The following SLC7A5 variants were observed in gnomAD, a reference collection of about 807,000 sequenced individuals.
The protein encoded by SLC7A5 is large neutral amino acids transporter small subunit 1.
Under a neutral mutation model 50.2 loss-of-function variants are expected in SLC7A5, and 23 were observed. That is an observed-to-expected ratio of 0.46 (90% CI 0.33 to 0.65). The LOEUF (loss-of-function observed/expected upper bound fraction) is 0.65, where lower values mean the gene tolerates loss of function less well. Ranked by LOEUF, SLC7A5 falls within the 30% of genes least tolerant of loss-of-function variation. The pLI is 0.02. For synonymous variants in SLC7A5, 393 were observed against 330.6 expected, an observed-to-expected ratio of 1.19 and a Z score of -2.05; for missense variants, 578 against 684.4, an observed-to-expected ratio of 0.84 and a Z score of 1.73.
At chr16:87,840,005 G>A (rs945463838) in intron 4 of SLC7A5, among the ~76,000 whole-genome samples, 180 bp from the exon 5 acceptor site, 10 of 152,328 alleles carry the variant, frequency 6.6e-5, no homozygotes, top group South Asian at 6.2e-4. Flanking sequence ...TGCCTGGAGC[G>A]GGACACTGCA....
At chr16:87,865,329 T>A (rs531626673) in intron 1 of SLC7A5, among the ~76,000 whole-genome samples, 1 of 152,200 alleles carries the variant, frequency 6.6e-6, no homozygotes, top group Non-Finnish European at 1.5e-5. Context: ...CCTATTAACA[T>A]TAACCCTCAC....
rs910285785 is a variant in SLC7A5 at position 87,869,452 on chromosome 16, C to G, written c.-30G>C. 6.7e-6 allele frequency: 9 copies of G among 1,351,230 alleles called. No individual in the cohort carries two copies. In the African/African-American group the frequency reaches 1.4e-4, roughly 21 times the overall value. 83.7% of individuals were successfully genotyped at this position (1,351,230 alleles called of 1,614,324 possible). ...TGCGCACCGGCCGGGCCTGGGACAC[C>G]CGGGAGCCGCGGCCCAGCGAGCAGT... On this transcript the variant is annotated 5_prime_UTR_variant, in exon 1 of 10. Coordinates refer to ENST00000261622, the MANE Select transcript of SLC7A5 (RefSeq NM_003486.7).
intron 7 of SLC7A5, chr16:87,837,399 G>A: frequency 4.9e-6 from 1 of 202,934 alleles, no homozygotes; most frequent in Non-Finnish European, 1.0e-5. Context: ...GATAATAAGT[G>A]CTTTTCCTTT....
intron 6 of SLC7A5, 25 bp from the exon 7 acceptor site, chr16:87,837,966 G>A: frequency 6.5e-7 from 1 of 1,547,162 alleles, no homozygotes; most frequent in East Asian, 2.3e-5. Flanking sequence ...GAGTGGCAGA[G>A]TCAGCCACCG....
Position 87,853,061 on chromosome 16 carries a change from A to C in SLC7A5, c.539-1212T>G, listed in dbSNP as rs1304732474. Among the ~76,000 whole-genome samples the C allele has an allele frequency of 6.6e-6, 1 of 152,136 alleles. No homozygotes were observed. Among genetic ancestry groups the C allele is most frequent in the Non-Finnish European group, 1.5e-5 (1 of 68,004 alleles). On this transcript the variant is annotated intron_variant, in intron 1 of 9. Coordinates refer to ENST00000261622, the MANE Select transcript of SLC7A5 (RefSeq NM_003486.7). This position sits in a 1 kb window ranked among gnomAD's most constrained non-coding sequence, Gnocchi z 4.4. Reference sequence around the variant, plus strand: ...ACAGCCCTCCCGGCACCGCACCACTAAGACTGCAGGAAGGTGAGAGCATCA... The same window carrying C: ...ACAGCCCTCCCGGCACCGCACCACTCAGACTGCAGGAAGGTGAGAGCATCA...
rs1265508410 is a variant in SLC7A5 at position 87,862,865 on chromosome 16, C to A, written c.538+6020G>T. Among the ~76,000 whole-genome samples the A allele has an allele frequency of 6.6e-6, 1 of 152,218 alleles. No individual in the cohort carries two copies. Among genetic ancestry groups the A allele is most frequent in the Non-Finnish European group, 1.5e-5 (1 of 68,044 alleles). On this transcript the variant is annotated intron_variant, in intron 1 of 9. Transcript: ENST00000261622. The surrounding 1 kb of genome is among the most constrained non-coding windows in gnomAD (Gnocchi z 5.3). ...TCACAGGTTCCTAAACGCATACCCG[C>A]CCACACCAATCTGCTGAGGAGTGAC... is the stretch of plus-strand genomic sequence containing the variant.
rs377031973 is a variant in SLC7A5, at chr16:87,836,555, G to A, written c.1233C>T (p.Ala411=). ...SFFNWLCVAL[A]IIGMIWLRHR... is the part of the protein sequence containing the mutation. ...GGCGCAGCCAGATCATGCCGATGAT[G>A]GCCAGGGCCACGCAGAGCCAGTTGA... The change falls in exon 8 of 10, where the codon GCC becomes GCT. Residue 411 remains alanine, a synonymous_variant. Transcript: ENST00000261622. The A allele has an allele frequency of 5.0e-6, 8 of 1,613,482 alleles. No individual in the cohort carries two copies. Among genetic ancestry groups the A allele is most frequent in the Admixed American group, 1.7e-5 (1 of 60,012 alleles).
chr16:87,856,624 C>A (rs2055324748), intron 1 of SLC7A5, among the ~76,000 whole-genome samples: 1 of 152,224 alleles, frequency 6.6e-6, no homozygotes, highest in African/African-American at 2.4e-5. Flanking sequence ...CTGGCTGGGG[C>A]TCCTGAGACA....
intron 1 of SLC7A5, among the ~76,000 whole-genome samples, chr16:87,858,496 A>C (rs1229300360): frequency 3.3e-5 from 5 of 152,196 alleles, no homozygotes; most frequent in African/African-American, 1.2e-4. Context: ...AACCCGCTCC[A>C]GTCACGGTAT....
intron 1 of SLC7A5, among the ~76,000 whole-genome samples, chr16:87,856,555 C>G (rs936805567): frequency 2.6e-5 from 4 of 152,212 alleles, no homozygotes; most frequent in Non-Finnish European, 5.9e-5. Flanking sequence ...TGGCCCCTAG[C>G]GGAGCCAGCA....
chr16:87,836,269 G>A (rs1195180073), intron 8 of SLC7A5, among the ~76,000 whole-genome samples: 1 of 152,244 alleles, frequency 6.6e-6, no homozygotes, highest in Admixed American at 6.5e-5. Flanking sequence ...CGGAGCACAA[G>A]CTCTGTGCCA....
chr16:87,844,926 T>C (rs1283271564), intron 2 of SLC7A5, among the ~76,000 whole-genome samples: 3 of 152,240 alleles, frequency 2.0e-5, no homozygotes, highest in Non-Finnish European at 4.4e-5. Flanking sequence ...GCGAAGGACC[T>C]TGAGATGAGA....
At chr16:87,867,917 C>T (rs1020381313) in intron 1 of SLC7A5, among the ~76,000 whole-genome samples, 4 of 152,132 alleles carry the variant, frequency 2.6e-5, no homozygotes, top group African/African-American at 9.6e-5. Flanking sequence ...AGATCGAGAC[C>T]ATCCTGGCTA....
At chr16:87,867,205 C>G (rs2055473505) in intron 1 of SLC7A5, among the ~76,000 whole-genome samples, 1 of 152,252 alleles carries the variant, frequency 6.6e-6, no homozygotes, top group Non-Finnish European at 1.5e-5. Flanking sequence ...TAGGCGTGGG[C>G]CATCACACCC....
intron 6 of SLC7A5, 91 bp from the exon 7 acceptor site, chr16:87,838,032 G>A: frequency 2.9e-6 from 3 of 1,034,646 alleles, no homozygotes; most frequent in Admixed American, 2.0e-5. Context: ...GGCAGGGCCT[G>A]TGCCTGGCTT....
intron 2 of SLC7A5, among the ~76,000 whole-genome samples, chr16:87,850,822 G>A (rs1382911562): frequency 3.3e-5 from 5 of 152,200 alleles, no homozygotes; most frequent in East Asian, 1.9e-4. Context: ...ACCTCACCGC[G>A]GAATGGCAGT....
At chr16:87,868,160 T>C (rs1839442640) in intron 1 of SLC7A5, among the ~76,000 whole-genome samples, 1 of 151,736 alleles carries the variant, frequency 6.6e-6, no homozygotes, top group Admixed American at 6.6e-5. Context: ...GAAAACTATT[T>C]TGAAAAGCAG....
intron 1 of SLC7A5, among the ~76,000 whole-genome samples, chr16:87,866,337 G>A (rs1363824346): frequency 2.6e-5 from 4 of 152,210 alleles, no homozygotes; most frequent in African/African-American, 7.2e-5. Context: ...TCTGGGGGTC[G>A]GGGGTGGTAA....
rs529354955 is a variant in SLC7A5 at position 87,850,793 on chromosome 16, C to G, written c.664+931G>C. Among the ~76,000 whole-genome samples the G allele has an allele frequency of 5.9e-5, 9 of 152,318 alleles. No homozygotes were observed. The East Asian group carries it at 1.7e-3, about 29-fold the overall frequency. ...TCTGTGACCACACAAATGGGAACTGCTTATGAAACCCCAGCCCGACCTCAC... is the reference window on the plus strand; with the variant it reads ...TCTGTGACCACACAAATGGGAACTGGTTATGAAACCCCAGCCCGACCTCAC... On this transcript the variant is annotated intron_variant, in intron 2 of 9. Coordinates refer to ENST00000261622, the MANE Select transcript of SLC7A5 (RefSeq NM_003486.7).
Sources: gnomAD v4.1 joint callset for allele counts (sites outside exome capture counted in the v4.1 genomes callset) on GRCh38, gnomAD v4.1.1 for gene constraint, Gnocchi (gnomAD v3.1) non-coding constraint, MANE v1.5 for transcripts, NCBI Gene and HGNC (gene_info 2026-07-23, HGNC 2026-07-21) for gene names.